Variants in INVS observed in about 807,000 individuals in gnomAD.
The protein encoded by INVS is inversin, also known as inversion of embryo turning homolog.
INVS carries 86 observed loss-of-function variants against 108.8 expected under a neutral mutation model. The ratio of observed to expected loss-of-function variants is 0.79; its 90% CI spans 0.66 to 0.95. The LOEUF (loss-of-function observed/expected upper bound fraction) is 0.95. Ranked by LOEUF, INVS falls within the 40% of genes least tolerant of loss-of-function variation. The pLI is 0.00. For synonymous variants in INVS, 455 were observed against 473.5 expected, an observed-to-expected ratio of 0.96 and a Z score of 0.51; for missense variants, 1,169 against 1,297.4, an observed-to-expected ratio of 0.90 and a Z score of 1.52.
intron 13 of INVS, among the ~76,000 whole-genome samples, chr9:100,290,350 CCTTT>C (rs755326559): frequency 7.9e-5 from 12 of 151,882 alleles, no homozygotes; most frequent in African/African-American, 2.2e-4. Flanking sequence ...TTCTTATATC[CCTTT>C]CTTTCTTTCT....
Position 100,301,172 on chromosome 9 carries a change from CACACACAT to C in INVS, c.*500_*507del, listed in dbSNP as rs201134495. Among the ~76,000 whole-genome samples the C allele has an allele frequency of 0.25, 36,399 of 144,504 alleles. 5,827 individuals carry two copies. The highest frequency in any genetic ancestry group is 0.46 in the African/African-American group (18,079 of 39,380). The allele number at this position is 144,504 out of a possible 152,430, so 94.8% of individuals were successfully genotyped here. ...ACACACACACACACACACACACACA[CACACACAT>C]ATCACGTCCCACTATTACTTCAAAA... On this transcript the variant is annotated 3_prime_UTR_variant, in exon 17 of 17. Transcript: ENST00000262457.
chr9:100,270,631 C>T (rs1327420261), intron 11 of INVS, among the ~76,000 whole-genome samples: 1 of 151,626 alleles, frequency 6.6e-6, no homozygotes, highest in East Asian at 1.9e-4. Flanking sequence ...GCCTGTAATC[C>T]CAGCTACTCG....
chr9:100,253,786 G>A (rs539223057), intron 10 of INVS, among the ~76,000 whole-genome samples: 5 of 152,094 alleles, frequency 3.3e-5, no homozygotes, highest in Admixed American at 6.6e-5. Flanking sequence ...TGGTGTATAT[G>A]TGCTGTATTT....
chr9:100,100,971 T>A (rs1316697091), intron 1 of INVS, among the ~76,000 whole-genome samples: 1 of 69,850 alleles, frequency 1.4e-5, no homozygotes, highest in African/African-American at 7.8e-5. Flanking sequence ...ATATAATATA[T>A]ATTATATATA....
intron 3 of INVS, among the ~76,000 whole-genome samples, chr9:100,172,001 A>G (rs1829556455): frequency 6.6e-6 from 1 of 152,142 alleles, no homozygotes; most frequent in African/African-American, 2.4e-5. Flanking sequence ...AGTTAAATAA[A>G]TTAATATATT....
At chr9:100,203,746 G>A (rs897319714) in intron 3 of INVS, among the ~76,000 whole-genome samples, 6 of 151,804 alleles carry the variant, frequency 4.0e-5, no homozygotes, top group African/African-American at 1.2e-4. Context: ...CAGGTGATCC[G>A]CCCGCCTCAG....
intron 3 of INVS, among the ~76,000 whole-genome samples, chr9:100,191,672 A>T (rs1340391716): frequency 1.3e-5 from 2 of 152,000 alleles, no homozygotes; most frequent in Non-Finnish European, 2.9e-5. Flanking sequence ...TGGGTTCTTT[A>T]TCTGGTATTT....
chr9:100,111,227 A>G (rs1008780973), intron 2 of INVS, among the ~76,000 whole-genome samples: 8 of 152,254 alleles, frequency 5.3e-5, no homozygotes, highest in African/African-American at 1.9e-4. Context: ...ATACAAATAG[A>G]GACTACTCTT....
At chr9:100,256,544 T>A (rs1182693192) in intron 10 of INVS, among the ~76,000 whole-genome samples, 1 of 152,252 alleles carries the variant, frequency 6.6e-6, no homozygotes, top group Non-Finnish European at 1.5e-5. Context: ...CTTTCTCTTG[T>A]GGGCATTTAG....
Position 100,252,329 on chromosome 9 carries a change from A to G in INVS, c.1125A>G (p.Leu375=). ...CTGGCCATGTCAGCACCGTGAAGTTATTACTGGAAAATAATGCTCAAGTAG... is the reference window on the plus strand; with the variant it reads ...CTGGCCATGTCAGCACCGTGAAGTTGTTACTGGAAAATAATGCTCAAGTAG... ...ALSGHVSTVK[L]LLENNAQVDA... Residue 375 remains leucine (L), a synonymous_variant, in exon 9 of 17, where the codon TTA becomes TTG. Transcript: ENST00000262457. 6.2e-7 allele frequency: 1 copy of G among 1,614,076 alleles called. No homozygotes were observed. Among genetic ancestry groups the G allele is most frequent in the South Asian group, 1.1e-5 (1 of 91,076 alleles).
chr9:100,181,159 C>A (rs766970041), intron 3 of INVS, among the ~76,000 whole-genome samples: 7 of 152,146 alleles, frequency 4.6e-5, no homozygotes, highest in Non-Finnish European at 1.5e-5. Flanking sequence ...ATGACAAACC[C>A]ACAGCCAATG....
intron 2 of INVS, among the ~76,000 whole-genome samples, chr9:100,123,650 A>C (rs1827793220): frequency 6.6e-6 from 1 of 152,190 alleles, no homozygotes; most frequent in Non-Finnish European, 1.5e-5. Context: ...TGCTGGGTCA[A>C]ATGGTTACTT....
At chr9:100,225,639 T>A (rs1216242564) in intron 3 of INVS, among the ~76,000 whole-genome samples, 1 of 152,108 alleles carries the variant, frequency 6.6e-6, no homozygotes, top group South Asian at 2.1e-4. Context: ...CACCAAACAC[T>A]GTAAAATGTG....
chr9:100,117,821 C>G (rs1350899569), intron 2 of INVS, among the ~76,000 whole-genome samples: 1 of 152,194 alleles, frequency 6.6e-6, no homozygotes, highest in East Asian at 1.9e-4. Flanking sequence ...GAGGCGGGGT[C>G]TTTGGGAGAT....
intron 16 of INVS, among the ~76,000 whole-genome samples, chr9:100,299,300 A>G (rs1426998261): frequency 6.6e-6 from 1 of 152,182 alleles, no homozygotes; most frequent in Non-Finnish European, 1.5e-5. Context: ...CACATTAAGC[A>G]TTAACCAGTT....
chr9:100,111,799 AG>A (rs1476666091), intron 2 of INVS, among the ~76,000 whole-genome samples: 1 of 152,010 alleles, frequency 6.6e-6, no homozygotes, highest in Non-Finnish European at 1.5e-5. Flanking sequence ...TAAGGAAGAG[AG>A]TAGGGTGGAT....
chr9:100,157,254 A>G (rs1671259671), intron 3 of INVS, among the ~76,000 whole-genome samples: 1 of 131,570 alleles, frequency 7.6e-6, no homozygotes. Flanking sequence ...AATAGTAAAA[A>G]TTTCTTTTTT....
At position 100,213,450 on chromosome 9, in the gene INVS, C is replaced by T. The variant is rs1830896048; in HGVS notation, c.274-12612C>T. On this transcript the variant is annotated intron_variant, in intron 3 of 16. Coordinates refer to ENST00000262457, the MANE Select transcript of INVS (RefSeq NM_014425.5). ...CTAACTCCTGGGCTCGAGTGATCTGCCCACCTTGGCCTCCCAAAGTGCTGG... is the reference window on the plus strand; with the variant it reads ...CTAACTCCTGGGCTCGAGTGATCTGTCCACCTTGGCCTCCCAAAGTGCTGG... 2.0e-5 allele frequency among the ~76,000 whole-genome samples: 3 copies of T among 151,970 alleles called. No homozygotes were observed. In the South Asian group the frequency reaches 6.2e-4, roughly 32 times the overall value.
chr9:100,195,965 T>G, intron 3 of INVS, among the ~76,000 whole-genome samples: 1 of 152,246 alleles, frequency 6.6e-6, no homozygotes, highest in East Asian at 1.9e-4. Context: ...TTGTCAGGTT[T>G]TCCTATCAGG....
Sources: allele counts gnomAD v4.1 joint callset (sites outside exome capture counted in the v4.1 genomes callset), GRCh38; gene constraint gnomAD v4.1.1; transcripts MANE v1.5; gene names NCBI Gene and HGNC (gene_info 2026-07-23, HGNC 2026-07-21).